INSIG2: variants seen among roughly 807,000 people sequenced by gnomAD.
INSIG2 encodes the protein insulin induced gene 2.
Under a neutral mutation model 27.2 loss-of-function variants are expected in INSIG2, and 10 were observed. The observed-to-expected ratio is 0.37, with a 90% CI of 0.23 to 0.62. The LOEUF (loss-of-function observed/expected upper bound fraction) is 0.62. INSIG2 is among the 20% of genes least tolerant of loss of function. The pLI is 0.65. For synonymous variants in INSIG2, 97 were observed against 95.8 expected (o/e 1.01, Z -0.07); for missense variants, 178 against 270.2 (o/e 0.66, Z 2.39).
rs960014347 is a variant in INSIG2 at position 118,096,536 on chromosome 2, G to A, written c.-21G>A. The stretch of plus-strand genomic sequence containing the variant: ...CCTTTCCATTTTTTTTTTTTTAACG[G>A]CTTTCTGAACCTATGAAACCATGGC... On this transcript the variant is annotated 5_prime_UTR_variant, in exon 2 of 6. Coordinates refer to ENST00000245787, the MANE Select transcript of INSIG2 (RefSeq NM_016133.4). The A allele has an allele frequency of 3.2e-6, 5 of 1,567,908 alleles. No homozygotes were observed. The African/African-American group carries it at 5.6e-5, about 17-fold the overall frequency.
chr2:118,099,335 A>G (rs1678486394), intron 2 of INSIG2, among the ~76,000 whole-genome samples: 1 of 152,232 alleles, frequency 6.6e-6, no homozygotes, highest in Non-Finnish European at 1.5e-5. Context: ...TTCTGTGTGT[A>G]GAAAGTGCTC....
In INSIG2 at chr2:118,096,876, C is replaced by T. The variant is rs569671172; in HGVS notation, c.244+76C>T. On this transcript the variant is annotated intron_variant, in intron 2 of 5. Transcript: ENST00000245787. ...GTATGGACGTTGTCTGAGCAATAAACCTTTTTAAAAAAGAAAATATATTTA... is the reference window on the plus strand; with the variant it reads ...GTATGGACGTTGTCTGAGCAATAAATCTTTTTAAAAAAGAAAATATATTTA... The T allele has an allele frequency of 6.7e-5, 98 of 1,457,274 alleles. No individual in the cohort carries two copies. In the African/African-American group the frequency reaches 1.2e-3, roughly 18 times the overall value. 90.3% of individuals were successfully genotyped at this position (1,457,274 alleles called of 1,614,324 possible). A position where few individuals can be genotyped will look rare whatever the true frequency, so the allele number is the denominator to read the frequency against.
At chr2:118,094,902 AT>A (rs1219898829) in intron 1 of INSIG2, among the ~76,000 whole-genome samples, 3 of 152,194 alleles carry the variant, frequency 2.0e-5, no homozygotes, top group Admixed American at 2.0e-4. Flanking sequence ...TTATGTGATG[AT>A]TAGGAGCTAG....
At chr2:118,095,776 G>T (rs891987129) in intron 1 of INSIG2, among the ~76,000 whole-genome samples, 3 of 152,204 alleles carry the variant, frequency 2.0e-5, no homozygotes, top group African/African-American at 7.2e-5. Context: ...TGAGACAGGA[G>T]TGGGATACAG....
rs142407228 is a variant in INSIG2 at position 118,091,576 on chromosome 2, G to T, written c.-139+3035G>T. 3.5e-3 allele frequency among the ~76,000 whole-genome samples: 527 copies of T among 152,238 alleles called. 1 individual carries two copies. The highest frequency in any genetic ancestry group is 0.012 in the African/African-American group (483 of 41,530). ...CTTTTTTGTTTTGTTTCGCATGGGG[G>T]TCTCATACCCCTTGGAATAGATGAT... On this transcript the variant is annotated intron_variant, in intron 1 of 5. Coordinates refer to ENST00000245787, the MANE Select transcript of INSIG2 (RefSeq NM_016133.4).
At chr2:118,096,278 CTGTT>C (rs1678402004) in intron 1 of INSIG2, 137 bp from the exon 2 acceptor site, 1 of 276,736 alleles carries the variant, frequency 3.6e-6, no homozygotes, top group Non-Finnish European at 6.7e-6. Context: ...CAATAAATAA[CTGTT>C]AGTAATTTGA....
chr2:118,104,501 A>C (rs1451932308), intron 3 of INSIG2, among the ~76,000 whole-genome samples: 1 of 152,140 alleles, frequency 6.6e-6, no homozygotes, highest in Non-Finnish European at 1.5e-5. Context: ...GAACTTTTTG[A>C]GATTTAAGAT....
At position 118,109,633 on chromosome 2, in the gene INSIG2, G is replaced by A. The variant is rs1678764772; in HGVS notation, c.*1311G>A. The A allele has an allele frequency of 6.6e-6, 1 of 152,406 alleles. No individual in the cohort carries two copies. The highest frequency in any genetic ancestry group is 2.1e-4 in the South Asian group (1 of 4,804). The allele number at this position is 152,406 out of a possible 1,614,324, so 9.4% of individuals were successfully genotyped here. On this transcript the variant is annotated 3_prime_UTR_variant, in exon 6 of 6. Transcript: ENST00000245787. ...CACACGTGTGTGTTGGAGTGAGTGA[G>A]AGAATGTGTCTGTGCATGTGGCCAT... is the stretch of plus-strand genomic sequence containing the variant.
At position 118,109,973 on chromosome 2, in the gene INSIG2, C is replaced by T. The variant is rs370115667; in HGVS notation, c.*1651C>T. The stretch of plus-strand genomic sequence containing the variant: ...AGTTATAAGGTCTATGATGTGTTTA[C>T]TTTAAAAATTGCTGTTAAAAGCAAC... On this transcript the variant is annotated 3_prime_UTR_variant, in exon 6 of 6. Coordinates refer to ENST00000245787, the MANE Select transcript of INSIG2 (RefSeq NM_016133.4). The T allele has an allele frequency of 6.6e-6, 1 of 152,482 alleles. No homozygotes were observed. Among genetic ancestry groups the T allele is most frequent in the African/African-American group, 2.4e-5 (1 of 41,390 alleles). The allele number at this position is 152,482 out of a possible 1,614,324, so 9.4% of individuals were successfully genotyped here.
In INSIG2 at chr2:118,096,625, C is replaced by T; in HGVS notation, c.69C>T (p.Ser23=). ...KCGPYISSVT[S]QSVNLMIRGV... ...GCCCATATATTTCATCTGTCACTAG[C>T]CAGAGTGTGAACTTGATGATTCGAG... The change falls in exon 2 of 6, where the codon AGC becomes AGT. Residue 23 remains serine, a synonymous_variant. Coordinates refer to ENST00000245787, the MANE Select transcript of INSIG2 (RefSeq NM_016133.4). 6.2e-7 allele frequency: 1 copy of T among 1,613,712 alleles called. No individual in the cohort carries two copies. Among genetic ancestry groups the T allele is most frequent in the Non-Finnish European group, 8.5e-7 (1 of 1,179,794 alleles).
chr2:118,110,726 T>A lies in INSIG2; in HGVS notation c.*2404T>A, dbSNP rs1678791847. On this transcript the variant is annotated 3_prime_UTR_variant, in exon 6 of 6. Transcript: ENST00000245787. ...AATGGGAAACATTTTTTAACATTGCTAGATTGGCAGTGCTTTCTTTTATTA... is the reference window on the plus strand; with the variant it reads ...AATGGGAAACATTTTTTAACATTGCAAGATTGGCAGTGCTTTCTTTTATTA... 4 of 152,252 alleles carry A rather than the reference T, an allele frequency of 2.6e-5. No individual in the cohort carries two copies. The highest frequency in any genetic ancestry group is 2.6e-4 in the Admixed American group (4 of 15,286). 9.4% of individuals were successfully genotyped at this position (152,252 alleles called of 1,614,324 possible). A position where few individuals can be genotyped will look rare whatever the true frequency, so the allele number is the denominator to read the frequency against.
At chr2:118,093,690 G>C (rs1383488804) in intron 1 of INSIG2, among the ~76,000 whole-genome samples, 1 of 121,516 alleles carries the variant, frequency 8.2e-6, no homozygotes, top group Non-Finnish European at 1.7e-5. Context: ...AGGAGGAGGA[G>C]AGTTCTGTAG....
chr2:118,103,344 A>G (rs757239239), intron 3 of INSIG2, 23 bp downstream of exon 3: 13 of 1,589,184 alleles, frequency 8.2e-6, no homozygotes, highest in Non-Finnish European at 1.0e-5. Context: ...CTGTAATGAA[A>G]TGCATAATAA....
At chr2:118,100,142 A>C (rs1573573666) in intron 2 of INSIG2, among the ~76,000 whole-genome samples, 1 of 151,542 alleles carries the variant, frequency 6.6e-6, no homozygotes, top group Non-Finnish European at 1.5e-5. Flanking sequence ...GTCCTCAGCC[A>C]CCTCCCTTTA....
At chr2:118,095,633 T>C (rs1573570688) in intron 1 of INSIG2, among the ~76,000 whole-genome samples, 2 of 152,144 alleles carry the variant, frequency 1.3e-5, no homozygotes, top group African/African-American at 4.8e-5. Flanking sequence ...GTTTTAGGAG[T>C]CAGGGACCAA....
chr2:118,101,123 G>A (rs1481711726), intron 2 of INSIG2, among the ~76,000 whole-genome samples: 1 of 152,104 alleles, frequency 6.6e-6, no homozygotes, highest in Non-Finnish European at 1.5e-5. Context: ...AAGAGGCCCA[G>A]ACATACTCTG....
chr2:118,096,332 A>G (rs1678403448), intron 1 of INSIG2, 87 bp from the exon 2 acceptor site: 1 of 416,430 alleles, frequency 2.4e-6, no homozygotes, highest in Admixed American at 4.1e-5. Flanking sequence ...TTATTTGTCC[A>G]TTTAAATTAA....
At chr2:118,096,863 T>C (rs1454640756) in intron 2 of INSIG2, 63 bp downstream of exon 2, 5 of 1,521,086 alleles carry the variant, frequency 3.3e-6, no homozygotes, top group Non-Finnish European at 4.4e-6. Context: ...ATGGACGTTG[T>C]CTGAGCAATA....
At chr2:118,106,643 C>A in intron 3 of INSIG2, 94 bp from the exon 4 acceptor site, 1 of 930,542 alleles carries the variant, frequency 1.1e-6, no homozygotes, top group Non-Finnish European at 1.6e-6. Flanking sequence ...GCAATTAATT[C>A]CCTTCTCAAC....
Sources: allele counts gnomAD v4.1 joint callset (sites outside exome capture counted in the v4.1 genomes callset), GRCh38; gene constraint gnomAD v4.1.1; transcripts MANE v1.5; gene names NCBI Gene and HGNC (gene_info 2026-07-23, HGNC 2026-07-21).